Variants in CDH13 observed in about 807,000 individuals in gnomAD.
The protein encoded by CDH13 is cadherin-13.
CDH13 carries 24 observed loss-of-function variants against 63.8 expected under a neutral mutation model. The observed-to-expected ratio is 0.38, with a 90% CI of 0.27 to 0.53. The LOEUF (loss-of-function observed/expected upper bound fraction) is 0.53. CDH13 is among the 20% of genes least tolerant of loss of function. CDH13 has a pLI of 0.85. For missense variants in CDH13, 1,049 were observed against 903.1 expected (o/e 1.16, Z -2.07); for synonymous variants, 503 against 355.3 (o/e 1.42, Z -4.67).
chr16:83,671,339 C>G (rs940504112), intron 9 of CDH13, among the ~76,000 whole-genome samples: 1 of 152,140 alleles, frequency 6.6e-6, no homozygotes, highest in Non-Finnish European at 1.5e-5. Context: ...ATCTCCGCCT[C>G]CTAGGTTCAA....
At chr16:83,513,950 A>G (rs946100044) in intron 7 of CDH13, among the ~76,000 whole-genome samples, 1 of 152,204 alleles carries the variant, frequency 6.6e-6, no homozygotes, top group Non-Finnish European at 1.5e-5. Context: ...TTTGAGAGCA[A>G]AGTTTGCCTC....
At chr16:82,713,899 C>T (rs756367187) in intron 1 of CDH13, among the ~76,000 whole-genome samples, 4 of 151,738 alleles carry the variant, frequency 2.6e-5, no homozygotes, top group Non-Finnish European at 5.9e-5. Flanking sequence ...TGGAAGTGCT[C>T]AGCTGAGGGC....
At chr16:82,934,842 T>A (rs1473493051) in intron 2 of CDH13, among the ~76,000 whole-genome samples, 2 of 152,218 alleles carry the variant, frequency 1.3e-5, no homozygotes, top group African/African-American at 4.8e-5. Flanking sequence ...CAGCCTGGAC[T>A]TCATTGTCCA....
At chr16:83,730,487 G>A (rs1481479893) in intron 10 of CDH13, among the ~76,000 whole-genome samples, 1 of 152,162 alleles carries the variant, frequency 6.6e-6, no homozygotes, top group Non-Finnish European at 1.5e-5. Flanking sequence ...GACAAACTTG[G>A]AGATACCTCC....
At chr16:83,627,474 G>A (rs1041176968) in intron 8 of CDH13, among the ~76,000 whole-genome samples, 1 of 152,190 alleles carries the variant, frequency 6.6e-6, no homozygotes, top group Non-Finnish European at 1.5e-5. Flanking sequence ...ACTTTCTGGG[G>A]ACTTTTATCT....
rs111240786 is a variant in CDH13 at position 83,268,452 on chromosome 16, C to T, written c.636+50955C>T. ...TACAGTTACCACATTTTTTCCAAAC[C>T]AGCAGTCAGCATACACAATTGGATA... On this transcript the variant is annotated intron_variant, in intron 5 of 13. Coordinates refer to ENST00000567109, the MANE Select transcript of CDH13 (RefSeq NM_001257.5). 9.4e-4 allele frequency among the ~76,000 whole-genome samples: 143 copies of T among 152,298 alleles called. 1 individual carries two copies. Among genetic ancestry groups the T allele is most frequent in the African/African-American group, 3.2e-3 (133 of 41,570 alleles).
intron 1 of CDH13, among the ~76,000 whole-genome samples, chr16:82,836,693 G>C (rs193275229): frequency 6.6e-6 from 1 of 152,174 alleles, no homozygotes; most frequent in Admixed American, 6.5e-5. Flanking sequence ...TGATGAGCCT[G>C]CTGATGCCGA....
intron 6 of CDH13, among the ~76,000 whole-genome samples, chr16:83,417,748 C>G (rs1597972828): frequency 6.6e-6 from 1 of 152,190 alleles, no homozygotes; most frequent in Admixed American, 6.5e-5. Context: ...GCTCAGCAGA[C>G]ATGTATCTCC....
At chr16:83,676,789 G>C (rs1333026075) in intron 9 of CDH13, among the ~76,000 whole-genome samples, 1 of 152,220 alleles carries the variant, frequency 6.6e-6, no homozygotes, top group Non-Finnish European at 1.5e-5. Context: ...GGCGTGCTTA[G>C]CACTGAATAC....
rs535566926 is a variant in CDH13 at position 83,388,070 on chromosome 16, A to G, written c.781+43064A>G. On this transcript the variant is annotated intron_variant, in intron 6 of 13. Coordinates refer to ENST00000567109, the MANE Select transcript of CDH13 (RefSeq NM_001257.5). The stretch of plus-strand genomic sequence containing the variant: ...CATGACACCTACTCTGACAGAGACC[A>G]AGAATCCGGCATTGACACCCTGAGG... Among the ~76,000 whole-genome samples the G allele has an allele frequency of 3.3e-5, 5 of 152,194 alleles. No individual in the cohort carries two copies. The East Asian group carries it at 7.7e-4, about 24-fold the overall frequency.
intron 2 of CDH13, among the ~76,000 whole-genome samples, chr16:82,943,766 ATG>A (rs778361651): frequency 6.6e-6 from 1 of 152,238 alleles, no homozygotes; most frequent in Non-Finnish European, 1.5e-5. Context: ...AATTACACAG[ATG>A]TCTCTCAAGG....
chr16:83,428,162 A>G (rs1276387749), intron 6 of CDH13, among the ~76,000 whole-genome samples: 3 of 152,186 alleles, frequency 2.0e-5, no homozygotes, highest in South Asian at 4.1e-4. Context: ...TTGACTGCTC[A>G]TGTTTATTAT....
intron 8 of CDH13, among the ~76,000 whole-genome samples, chr16:83,629,706 A>C (rs1910614438): frequency 6.6e-6 from 1 of 152,160 alleles, no homozygotes; most frequent in South Asian, 2.1e-4. Flanking sequence ...CACTTCATTC[A>C]CTTTGGACTA....
At chr16:82,989,924 C>T (rs1911445734) in intron 2 of CDH13, among the ~76,000 whole-genome samples, 1 of 149,666 alleles carries the variant, frequency 6.7e-6, no homozygotes, top group South Asian at 2.1e-4. Flanking sequence ...AACTGCTTAG[C>T]AAATTTCTCA....
At chr16:83,169,452 G>C (rs79288103) in intron 4 of CDH13, among the ~76,000 whole-genome samples, 1 of 152,004 alleles carries the variant, frequency 6.6e-6, no homozygotes, top group Admixed American at 6.6e-5. Context: ...TGGGAGTAAG[G>C]TGTGAGCCAC....
intron 1 of CDH13, among the ~76,000 whole-genome samples, chr16:82,837,895 T>A: frequency 6.6e-6 from 1 of 152,232 alleles, no homozygotes; most frequent in Non-Finnish European, 1.5e-5. Context: ...AAACCCAAGT[T>A]CCCAGATGCC....
chr16:83,487,919 T>C (rs1384152634), intron 7 of CDH13, among the ~76,000 whole-genome samples: 1 of 152,226 alleles, frequency 6.6e-6, no homozygotes, highest in Non-Finnish European at 1.5e-5. Context: ...CTCATCCACC[T>C]GATTCTTCCA....
chr16:83,340,390 C>T (rs1045327212), intron 5 of CDH13, among the ~76,000 whole-genome samples: 3 of 151,896 alleles, frequency 2.0e-5, no homozygotes, highest in African/African-American at 7.3e-5. Context: ...GGCCTGTGTA[C>T]TTGGGAGTGG....
chr16:82,892,204 G>C (rs1182452472), intron 2 of CDH13, among the ~76,000 whole-genome samples: 1 of 152,144 alleles, frequency 6.6e-6, no homozygotes, highest in Non-Finnish European at 1.5e-5. Context: ...ATGCTGACTT[G>C]AGGATTAAAT....
Sources: gnomAD v4.1 joint callset for allele counts (sites outside exome capture counted in the v4.1 genomes callset) on GRCh38, gnomAD v4.1.1 for gene constraint, MANE v1.5 for transcripts, NCBI Gene and HGNC (gene_info 2026-07-23, HGNC 2026-07-21) for gene names.